Variants in KSR2 observed in about 807,000 individuals in gnomAD.
The protein encoded by KSR2 is kinase suppressor of ras 2.
In KSR2, 25 loss-of-function variants were observed where a neutral mutation model predicts 107.8. The ratio of observed to expected loss-of-function variants is 0.23; its 90% confidence interval spans 0.17 to 0.32. The LOEUF (loss-of-function observed/expected upper bound fraction) is 0.32. Among genes scored for constraint, KSR2 ranks in the 10% least tolerant of loss-of-function variants. The probability of loss-of-function intolerance (pLI) is 1.00; values close to 1 mark genes in which losing one functional copy is unlikely to be tolerated. For missense variants in KSR2, 887 were observed against 1,268.9 expected (o/e 0.70, Z 4.57); for synonymous variants, 480 against 507.0 (o/e 0.95, Z 0.71).
chr12:117,761,541 G>A lies in KSR2; in HGVS notation c.473-17C>T. ...GGTTGCCTCCTGAGTTGGAACAGAA[G>A]AGCAGAGACAATGGGTAAGCCATGA... On this transcript the variant is annotated splice_polypyrimidine_tract_variant and intron_variant, in intron 3 of 19. Coordinates refer to ENST00000339824, the MANE Select transcript of KSR2 (RefSeq NM_173598.6). The A allele has an allele frequency of 6.2e-7, 1 of 1,612,794 alleles. No individual in the cohort carries two copies. The highest frequency in any genetic ancestry group is 8.5e-7 in the Non-Finnish European group (1 of 1,179,740).
At chr12:117,721,229 G>A (rs527564) in intron 4 of KSR2, among the ~76,000 whole-genome samples, 50,879 of 151,812 alleles carry the variant, frequency 0.34, 8,593 homozygotes, top group Admixed American at 0.38. Flanking sequence ...AGTCGGAGAA[G>A]CATGGATACC....
intron 3 of KSR2, among the ~76,000 whole-genome samples, chr12:117,762,442 C>G (rs1208160672): frequency 6.6e-6 from 1 of 152,214 alleles, no homozygotes; most frequent in Non-Finnish European, 1.5e-5. Flanking sequence ...AAAAGCAACA[C>G]AGATGAGACC....
At chr12:117,701,326 C>A (rs1439392885) in intron 4 of KSR2, among the ~76,000 whole-genome samples, 1 of 152,154 alleles carries the variant, frequency 6.6e-6, no homozygotes, top group Non-Finnish European at 1.5e-5. Context: ...CTCCTGATCT[C>A]AGGTGATCTG....
At chr12:117,583,141 A>G (rs1355064436) in intron 5 of KSR2, among the ~76,000 whole-genome samples, 1 of 151,970 alleles carries the variant, frequency 6.6e-6, no homozygotes, top group Non-Finnish European at 1.5e-5. Flanking sequence ...GATAGGATGG[A>G]TGGATAGGCG....
chr12:117,572,255 T>C lies in KSR2; in HGVS notation c.1325+6864A>G, dbSNP rs1318110282. On this transcript the variant is annotated intron_variant, in intron 7 of 19. Coordinates refer to ENST00000339824, the MANE Select transcript of KSR2 (RefSeq NM_173598.6). ...GGTCCTCCAGCAGAGTACCCTGATG[T>C]GCATTACTGCATCCACCCGACCTTG... 2.0e-5 allele frequency among the ~76,000 whole-genome samples: 3 copies of C among 152,212 alleles called. No homozygotes were observed. The East Asian group carries it at 5.8e-4, about 29-fold the overall frequency.
chr12:117,893,316 G>A (rs920191970), intron 1 of KSR2, among the ~76,000 whole-genome samples: 17 of 152,086 alleles, frequency 1.1e-4, no homozygotes, highest in Middle Eastern at 3.4e-3. Context: ...TGTGCCCAGC[G>A]AGACCATATA....
At chr12:117,855,672 G>A (rs1197080479) in intron 2 of KSR2, 94 bp from the exon 3 acceptor site, 31 of 1,296,982 alleles carry the variant, frequency 2.4e-5, no homozygotes, top group African/African-American at 7.3e-5. Context: ...AGAACACTCC[G>A]CAGTGTAAAC....
intron 14 of KSR2, among the ~76,000 whole-genome samples, chr12:117,502,923 A>C (rs2137179787): frequency 6.6e-6 from 1 of 152,292 alleles, no homozygotes; most frequent in South Asian, 2.1e-4. Flanking sequence ...ATAGAACTTG[A>C]AGGACCTAGG....
intron 1 of KSR2, among the ~76,000 whole-genome samples, chr12:117,953,318 GC>G (rs1454346997): frequency 1.3e-5 from 2 of 151,988 alleles, no homozygotes; most frequent in African/African-American, 4.8e-5. Context: ...CAGTGATTCT[GC>G]CCCTGGTATA....
chr12:117,754,502 A>G (rs953814447), intron 4 of KSR2, among the ~76,000 whole-genome samples: 14 of 152,034 alleles, frequency 9.2e-5, no homozygotes, highest in African/African-American at 3.4e-4. Context: ...GCCAGGCGGC[A>G]TGGCATGCAC....
chr12:117,471,138 C>T, intron 18 of KSR2, 53 bp downstream of exon 18: 3 of 1,600,334 alleles, frequency 1.9e-6, no homozygotes, highest in South Asian at 1.1e-5. Flanking sequence ...AGGCCCATGA[C>T]TGTGTCTGTG....
intron 14 of KSR2, among the ~76,000 whole-genome samples, chr12:117,511,741 C>T (rs535460242): frequency 6.6e-6 from 1 of 152,272 alleles, no homozygotes; most frequent in East Asian, 1.9e-4. Flanking sequence ...AAATGATTCG[C>T]CCAAGTGACC....
chr12:117,861,830 G>T (rs902577793), intron 1 of KSR2, among the ~76,000 whole-genome samples: 3 of 152,232 alleles, frequency 2.0e-5, no homozygotes, highest in Admixed American at 2.0e-4. Flanking sequence ...AAATGAGATA[G>T]ACCTGAACCC....
At chr12:117,944,603 C>T in intron 1 of KSR2, among the ~76,000 whole-genome samples, 1 of 152,000 alleles carries the variant, frequency 6.6e-6, no homozygotes, top group Non-Finnish European at 1.5e-5. Context: ...CGCCTGCAAT[C>T]CCAGCACTTT....
At chr12:117,629,162 G>A (rs894292969) in intron 5 of KSR2, among the ~76,000 whole-genome samples, 2 of 152,234 alleles carry the variant, frequency 1.3e-5, no homozygotes, top group African/African-American at 4.8e-5. Context: ...CTTCCCAGGT[G>A]AGTTGATGAC....
intron 4 of KSR2, among the ~76,000 whole-genome samples, chr12:117,687,881 C>A (rs1382331925): frequency 6.6e-6 from 1 of 152,124 alleles, no homozygotes; most frequent in African/African-American, 2.4e-5. Flanking sequence ...GTCATCCCTG[C>A]TACTTAGAGC....
chr12:117,941,905 A>G (rs1896021857), intron 1 of KSR2, among the ~76,000 whole-genome samples: 1 of 150,566 alleles, frequency 6.6e-6, no homozygotes, highest in African/African-American at 2.4e-5. Flanking sequence ...AGCCTCCCAG[A>G]GTGCTGGGAT....
intron 18 of KSR2, among the ~76,000 whole-genome samples, 161 bp from the exon 19 acceptor site, chr12:117,469,956 G>A (rs190133435): frequency 5.5e-4 from 62 of 112,712 alleles, no homozygotes; most frequent in Non-Finnish European, 8.6e-4. Context: ...CATCCGGTAC[G>A]TGTCTACACA....
chr12:117,761,354 T>C lies in KSR2; in HGVS notation c.643A>G (p.Thr215Ala). The change falls in exon 4 of 20, where the codon ACT becomes GCT. Residue 215 changes from threonine to alanine, a missense_variant. Around this residue, in one of 8 missense-constraint regions of KSR2, gnomAD observed 399 missense variants for 479.5 expected, o/e 0.83. Coordinates refer to ENST00000339824, the MANE Select transcript of KSR2 (RefSeq NM_173598.6). ...CVQHYCHTSP[T>A]PGAPVYTHVD... ...TGGGTGTACACAGGGGCCCCGGGAG[T>C]GGGGCTGGTGTGACAATAGTGCTGG... The C allele has an allele frequency of 6.3e-7, 1 of 1,583,306 alleles. No individual in the cohort carries two copies. Among genetic ancestry groups the C allele is most frequent in the Non-Finnish European group, 8.6e-7 (1 of 1,169,368 alleles).
Sources: gnomAD v4.1 joint callset for allele counts (sites outside exome capture counted in the v4.1 genomes callset) on GRCh38, gnomAD v4.1.1 for gene constraint, gnomAD v4.1.1 regional missense constraint, MANE v1.5 for transcripts, NCBI Gene and HGNC (gene_info 2026-07-23, HGNC 2026-07-21) for gene names.